Variants in ACTR3 observed in about 807,000 individuals in gnomAD.
The protein encoded by ACTR3 is actin-related protein 3.
Under a neutral mutation model 56.8 loss-of-function variants are expected in ACTR3, and 12 were observed. The ratio of observed to expected loss-of-function variants is 0.21; its 90% CI spans 0.14 to 0.34. ACTR3 has a LOEUF of 0.34. ACTR3 is among the 10% of genes least tolerant of loss of function. The pLI is 1.00. For synonymous variants in ACTR3, 162 were observed against 167.4 expected, an observed-to-expected ratio of 0.97 and a Z score of 0.25; for missense variants, 282 against 512.5, an observed-to-expected ratio of 0.55 and a Z score of 4.34.
At chr2:113,917,381 C>T (rs1170861899) in intron 3 of ACTR3, among the ~76,000 whole-genome samples, 1 of 152,122 alleles carries the variant, frequency 6.6e-6, no homozygotes, top group East Asian at 1.9e-4. Flanking sequence ...TCTGTAAGTG[C>T]TGTTCTCTTT....
chr2:113,934,056 T>C, intron 5 of ACTR3: 1 of 476,920 alleles, frequency 2.1e-6, no homozygotes, highest in Non-Finnish European at 3.7e-6. Flanking sequence ...ATCATGCTCC[T>C]AAAAGCAAAT....
chr2:113,945,343 C>G (rs1215893210), intron 8 of ACTR3, among the ~76,000 whole-genome samples: 4 of 152,044 alleles, frequency 2.6e-5, no homozygotes, highest in Non-Finnish European at 5.9e-5. Context: ...GGTAGTAACC[C>G]CCAGATTTCT....
chr2:113,940,928 C>T (rs748445776), intron 7 of ACTR3, among the ~76,000 whole-genome samples: 2 of 151,746 alleles, frequency 1.3e-5, no homozygotes, highest in Non-Finnish European at 2.9e-5. Context: ...TCACGTGATC[C>T]TCCCGCGTCA....
chr2:113,922,225 A>G (rs758532478), intron 3 of ACTR3, among the ~76,000 whole-genome samples: 25 of 152,162 alleles, frequency 1.6e-4, no homozygotes, highest in Admixed American at 1.4e-3. Context: ...TTTCAACGTT[A>G]AGATGGAAGA....
At chr2:113,932,235 T>A (rs1391054503) in intron 5 of ACTR3, among the ~76,000 whole-genome samples, 1 of 152,234 alleles carries the variant, frequency 6.6e-6, no homozygotes, top group African/African-American at 2.4e-5. Context: ...AACTGCCTTT[T>A]AAATTCTCTG....
At chr2:113,935,508 A>G (rs982264943) in intron 6 of ACTR3, among the ~76,000 whole-genome samples, 6 of 152,202 alleles carry the variant, frequency 3.9e-5, no homozygotes, top group African/African-American at 1.4e-4. Context: ...CATTTTCAAG[A>G]TTCATCCATG....
At chr2:113,939,387 T>A (rs1243982919) in intron 6 of ACTR3, among the ~76,000 whole-genome samples, 1 of 152,244 alleles carries the variant, frequency 6.6e-6, no homozygotes, top group East Asian at 1.9e-4. Flanking sequence ...GTTCAATCCC[T>A]AATATTCTGT....
At chr2:113,900,105 G>A (rs1679072693) in intron 1 of ACTR3, among the ~76,000 whole-genome samples, 1 of 152,052 alleles carries the variant, frequency 6.6e-6, no homozygotes, top group South Asian at 2.1e-4. Flanking sequence ...TTCACATACT[G>A]TAAAGTTTAC....
chr2:113,919,704 C>T (rs1199570342), intron 3 of ACTR3, among the ~76,000 whole-genome samples: 1 of 152,046 alleles, frequency 6.6e-6, no homozygotes, highest in Non-Finnish European at 1.5e-5. Flanking sequence ...TATCCCTTAT[C>T]TGCTGAAATT....
intron 9 of ACTR3, 51 bp downstream of exon 9, chr2:113,951,622 C>T (rs772018233): frequency 6.5e-7 from 1 of 1,540,958 alleles, no homozygotes; most frequent in East Asian, 2.3e-5. Context: ...AAAACTTAAA[C>T]ACCTCTCATA....
At chr2:113,916,820 T>C (rs894958723) in intron 2 of ACTR3, 64 bp from the exon 3 acceptor site, 2 of 1,436,590 alleles carry the variant, frequency 1.4e-6, no homozygotes, top group African/African-American at 2.9e-5. Context: ...GGGAGAAGTG[T>C]AAGGTAAAAG....
intron 10 of ACTR3, chr2:113,953,775 A>G (rs567716513): frequency 1.2e-4 from 19 of 152,346 alleles, no homozygotes; most frequent in South Asian, 6.2e-4. Context: ...ACATATTACA[A>G]TTATCAAAAT....
chr2:113,919,643 A>G, intron 3 of ACTR3, among the ~76,000 whole-genome samples: 1 of 152,212 alleles, frequency 6.6e-6, no homozygotes, highest in Non-Finnish European at 1.5e-5. Flanking sequence ...TATTGGTGAT[A>G]AGCTAGATGT....
intron 3 of ACTR3, among the ~76,000 whole-genome samples, chr2:113,923,488 A>G (rs929676733): frequency 5.9e-5 from 9 of 151,480 alleles, no homozygotes; most frequent in African/African-American, 2.2e-4. Context: ...GGCGCCCACC[A>G]CCGTGCCCGG....
chr2:113,902,236 C>T (rs1351562278), intron 1 of ACTR3, among the ~76,000 whole-genome samples: 1 of 152,056 alleles, frequency 6.6e-6, no homozygotes, highest in East Asian at 1.9e-4. Flanking sequence ...TCTGCCAGTC[C>T]AGCCTCCTCT....
At chr2:113,956,595 C>G (rs185404579) in intron 11 of ACTR3, among the ~76,000 whole-genome samples, 43 of 152,208 alleles carry the variant, frequency 2.8e-4, no homozygotes, top group African/African-American at 9.1e-4. Context: ...GGGAATTATT[C>G]TAAGAATCCT....
intron 8 of ACTR3, among the ~76,000 whole-genome samples, chr2:113,942,853 A>G (rs1164935379): frequency 2.0e-5 from 3 of 152,214 alleles, no homozygotes; most frequent in Admixed American, 1.3e-4. Flanking sequence ...ATTAAGAAAT[A>G]CATACTTTTA....
intron 4 of ACTR3, among the ~76,000 whole-genome samples, chr2:113,928,119 T>G (rs1679653115): frequency 6.6e-6 from 1 of 152,182 alleles, no homozygotes; most frequent in African/African-American, 2.4e-5. Context: ...TTACCTTTTC[T>G]CTCCCTCAAC....
At chr2:113,927,552 T>C (rs1353613488) in intron 4 of ACTR3, 97 bp downstream of exon 4, 13 of 746,770 alleles carry the variant, frequency 1.7e-5, no homozygotes, top group Non-Finnish European at 2.6e-5. Context: ...GTTATTAAAT[T>C]GTCATATGTC....
Sources: gnomAD v4.1 joint callset for allele counts (sites outside exome capture counted in the v4.1 genomes callset) on GRCh38, gnomAD v4.1.1 for gene constraint, MANE v1.5 for transcripts, NCBI Gene and HGNC (gene_info 2026-07-23, HGNC 2026-07-21) for gene names.